Variants in ECPAS observed in about 807,000 individuals in gnomAD.
ECPAS encodes Ecm29 proteasome adaptor and scaffold.
In ECPAS, 70 loss-of-function variants were observed where a neutral mutation model predicts 255.1. The ratio of observed to expected loss-of-function variants is 0.27; its 90% confidence interval spans 0.23 to 0.33. The LOEUF (loss-of-function observed/expected upper bound fraction) is 0.33. Ranked by LOEUF, ECPAS falls within the 10% of genes least tolerant of loss-of-function variation. ECPAS has a pLI of 1.00. For missense variants in ECPAS, 1,817 were observed against 2,206.4 expected, an observed-to-expected ratio of 0.82 and a Z score of 3.54; for synonymous variants, 784 against 775.0, an observed-to-expected ratio of 1.01 and a Z score of -0.19.
At chr9:111,463,155 G>C (rs539023160) in intron 2 of ECPAS, among the ~76,000 whole-genome samples, 2 of 152,176 alleles carry the variant, frequency 1.3e-5, no homozygotes, top group African/African-American at 4.8e-5. Context: ...CTCAGTCATA[G>C]ATCAGGAGGA....
At position 111,371,663 on chromosome 9, in the gene ECPAS, G is replaced by A. The variant is rs199743974; in HGVS notation, c.4695C>T (p.Thr1565=). The A allele has an allele frequency of 2.8e-5, 45 of 1,613,672 alleles. No individual in the cohort carries two copies. The Middle Eastern group carries it at 4.9e-4, about 18-fold the overall frequency. The part of the protein sequence containing the change: ...LVPPYLGMIL[T]ALLQGLAGRT... ...TTCCAGCCAGGCCTTGCAGCAATGC[G>A]GTCAGTATCATTCCGAGATATGGAG... Residue 1565 remains threonine, a synonymous_variant, in exon 43 of 50, where the codon ACC becomes ACT. Coordinates refer to ENST00000684092, the MANE Select transcript of ECPAS (RefSeq NM_001364929.1).
intron 17 of ECPAS, among the ~76,000 whole-genome samples, chr9:111,417,360 A>G (rs769580858): frequency 6.6e-6 from 1 of 152,266 alleles, no homozygotes; most frequent in Admixed American, 6.5e-5. Context: ...AAGTAATTCA[A>G]GTTTAGGCAA....
At chr9:111,401,749 C>A (rs1177038684) in intron 24 of ECPAS, among the ~76,000 whole-genome samples, 1 of 152,182 alleles carries the variant, frequency 6.6e-6, no homozygotes, top group Non-Finnish European at 1.5e-5. Context: ...ATATTCCTTG[C>A]TGGGAAAAGA....
At chr9:111,425,547 A>G (rs577767060) in intron 11 of ECPAS, 51 bp from the exon 12 acceptor site, 129 of 1,282,296 alleles carry the variant, frequency 1.0e-4, no homozygotes, top group Non-Finnish European at 1.1e-4. Flanking sequence ...TCATGACTAC[A>G]TATCTTTACG....
At position 111,467,190 on chromosome 9, in the gene ECPAS, T is replaced by TA. The variant is rs551926368; in HGVS notation, c.22+5706dup. 4.1e-3 allele frequency among the ~76,000 whole-genome samples: 619 copies of TA among 150,682 alleles called. 12 individuals carry two copies. The highest frequency in any genetic ancestry group is 0.037 in the Admixed American group (555 of 15,120). On this transcript the variant is annotated intron_variant, in intron 2 of 49. Transcript: ENST00000684092. ...ATCATTATTAATGGAAAAAGCATGTTAAAAAAGAGAAGAGAAAAAAGAAGA... is the reference window on the plus strand; with the variant it reads ...ATCATTATTAATGGAAAAAGCATGTTAAAAAAAGAGAAGAGAAAAAAGAAGA...
At chr9:111,479,254 C>T (rs1183585165) in intron 1 of ECPAS, among the ~76,000 whole-genome samples, 1 of 152,056 alleles carries the variant, frequency 6.6e-6, no homozygotes, top group African/African-American at 2.4e-5. Context: ...CTTTGAAATG[C>T]ATAAAAAAAG....
intron 2 of ECPAS, among the ~76,000 whole-genome samples, chr9:111,462,595 C>T (rs1336003831): frequency 2.0e-5 from 3 of 151,680 alleles, no homozygotes; most frequent in Non-Finnish European, 4.4e-5. Flanking sequence ...TTTTTAAAAA[C>T]ATATAATTAA....
chr9:111,436,610 A>G (rs1475362078), intron 7 of ECPAS, among the ~76,000 whole-genome samples: 1 of 152,222 alleles, frequency 6.6e-6, no homozygotes, highest in Non-Finnish European at 1.5e-5. Context: ...AATTAAACCT[A>G]TAATTAAAAA....
rs1318449746 is a variant in ECPAS at position 111,370,658 on chromosome 9, T to C, written c.4782-31A>G. On this transcript the variant is annotated intron_variant, in intron 44 of 49. Transcript: ENST00000684092. Reference sequence around the variant, plus strand: ...GGGTCCATACAAAAGCATCAGAAGTTAATAAAGGCTGCAGTTTTCGGGTCC... The same window carrying C: ...GGGTCCATACAAAAGCATCAGAAGTCAATAAAGGCTGCAGTTTTCGGGTCC... 1.9e-6 allele frequency: 3 copies of C among 1,606,898 alleles called. No homozygotes were observed. The African/African-American group carries it at 4.0e-5, about 21-fold the overall frequency.
At chr9:111,413,584 A>T (rs2098198280) in intron 20 of ECPAS, among the ~76,000 whole-genome samples, 2 of 151,948 alleles carry the variant, frequency 1.3e-5, no homozygotes, top group Admixed American at 1.3e-4. Context: ...CGGAAAGGAG[A>T]CATTTTACAT....
intron 28 of ECPAS, 82 bp from the exon 29 acceptor site, chr9:111,391,906 G>T (rs745609127): frequency 2.1e-6 from 2 of 954,812 alleles, no homozygotes; most frequent in South Asian, 1.4e-5. Flanking sequence ...TTTACAAAGT[G>T]ATAAAACTTC....
intron 33 of ECPAS, 149 bp downstream of exon 33, chr9:111,385,188 C>T: frequency 1.8e-6 from 1 of 548,516 alleles, no homozygotes; most frequent in Non-Finnish European, 3.2e-6. Context: ...CTTGCAACTT[C>T]ACAGACACAT....
intron 1 of ECPAS, among the ~76,000 whole-genome samples, chr9:111,474,935 C>G (rs17318540): frequency 0.29 from 44,657 of 152,068 alleles, 8,040 homozygotes; most frequent in Non-Finnish European, 0.42. Context: ...GTACTTCACA[C>G]AGCCGTAGCA....
intron 25 of ECPAS, among the ~76,000 whole-genome samples, chr9:111,395,019 C>T (rs2098165585): frequency 6.6e-6 from 1 of 152,194 alleles, no homozygotes; most frequent in East Asian, 1.9e-4. Flanking sequence ...AATGACTTTC[C>T]TGTTGCTAAG....
chr9:111,431,483 G>C (rs1254686059), intron 8 of ECPAS, among the ~76,000 whole-genome samples: 3 of 151,332 alleles, frequency 2.0e-5, no homozygotes, highest in African/African-American at 4.9e-5. Flanking sequence ...ACTTGAATCC[G>C]AGAGGGGGAG....
intron 24 of ECPAS, among the ~76,000 whole-genome samples, chr9:111,399,895 A>G (rs1053184140): frequency 3.3e-5 from 5 of 152,266 alleles, no homozygotes; most frequent in African/African-American, 9.6e-5. Context: ...TTGAAAAAGC[A>G]TCAGCGGCAG....
intron 39 of ECPAS, 42 bp from the exon 40 acceptor site, chr9:111,373,448 C>A (rs760121141): frequency 6.5e-7 from 1 of 1,532,748 alleles, no homozygotes; most frequent in African/African-American, 1.4e-5. Context: ...CTTGGTTGAC[C>A]AAATGTTCCA....
At chr9:111,393,938 C>T (rs1034957609) in intron 26 of ECPAS, among the ~76,000 whole-genome samples, 1 of 152,342 alleles carries the variant, frequency 6.6e-6, no homozygotes, top group Middle Eastern at 3.4e-3. Context: ...CTGACCACTG[C>T]CCCAACTGAG....
intron 46 of ECPAS, among the ~76,000 whole-genome samples, chr9:111,368,512 C>T (rs531465322): frequency 5.3e-5 from 8 of 152,240 alleles, no homozygotes; most frequent in East Asian, 1.9e-4. Flanking sequence ...CCCCAAAATT[C>T]GTATGTTAAA....
Sources: gnomAD v4.1 joint callset for allele counts (sites outside exome capture counted in the v4.1 genomes callset) on GRCh38, gnomAD v4.1.1 for gene constraint, MANE v1.5 for transcripts, NCBI Gene and HGNC (gene_info 2026-07-23, HGNC 2026-07-21) for gene names.